The following TAFA5 variants were observed in gnomAD, a reference collection of about 807,000 sequenced individuals.
TAFA5 encodes chemokine-like protein TAFA-5.
A neutral mutation model predicts 15.3 loss-of-function variants in TAFA5; 6 were observed. The ratio of observed to expected loss-of-function variants is 0.39; its 90% CI spans 0.21 to 0.77. TAFA5 has a LOEUF of 0.77. Ranked by LOEUF, TAFA5 falls within the 30% of genes least tolerant of loss-of-function variation. TAFA5 has a pLI of 0.41. For synonymous variants in TAFA5, 103 were observed against 80.7 expected, an observed-to-expected ratio of 1.28 and a Z score of -1.48; for missense variants, 161 against 193.1, an observed-to-expected ratio of 0.83 and a Z score of 0.98.
intron 1 of TAFA5, among the ~76,000 whole-genome samples, chr22:48,548,344 C>T (rs982371344): frequency 1.3e-5 from 2 of 152,230 alleles, no homozygotes; most frequent in African/African-American, 4.8e-5. Flanking sequence ...TCCCTCGCCC[C>T]GCCGACTGTG....
intron 2 of TAFA5, among the ~76,000 whole-genome samples, chr22:48,686,481 C>T (rs1455667401): frequency 6.6e-6 from 1 of 152,196 alleles, no homozygotes; most frequent in Non-Finnish European, 1.5e-5. Context: ...CTCTTATGGC[C>T]TAATCACTGC....
intron 1 of TAFA5, among the ~76,000 whole-genome samples, chr22:48,499,232 G>T (rs1439844252): frequency 3.3e-5 from 5 of 152,144 alleles, no homozygotes; most frequent in South Asian, 2.1e-4. Flanking sequence ...CCGTGCTGCC[G>T]ATGGTGATGA....
chr22:48,637,770 G>A (rs897265640), intron 1 of TAFA5, among the ~76,000 whole-genome samples: 3 of 151,936 alleles, frequency 2.0e-5, no homozygotes, highest in African/African-American at 7.3e-5. Context: ...CCAAACCATC[G>A]ACGTCCCCAA....
At chr22:48,650,756 G>T (rs377594898) in intron 2 of TAFA5, among the ~76,000 whole-genome samples, 1 of 151,806 alleles carries the variant, frequency 6.6e-6, no homozygotes, top group East Asian at 1.9e-4. Context: ...AACCAGCCAC[G>T]CACTGTGGCG....
intron 1 of TAFA5, among the ~76,000 whole-genome samples, chr22:48,594,240 A>G (rs1399340627): frequency 6.6e-6 from 1 of 152,180 alleles, no homozygotes; most frequent in East Asian, 1.9e-4. Flanking sequence ...GCGAGGCTCG[A>G]GGACTGCAGA....
intron 2 of TAFA5, among the ~76,000 whole-genome samples, chr22:48,663,505 TATC>T (rs1927515522): frequency 6.6e-6 from 1 of 152,228 alleles, no homozygotes; most frequent in Non-Finnish European, 1.5e-5. Context: ...ACTCTGTCTC[TATC>T]ACCACCTGGT....
chr22:48,573,303 C>A (rs1161541255), intron 1 of TAFA5, among the ~76,000 whole-genome samples: 1 of 152,240 alleles, frequency 6.6e-6, no homozygotes, highest in Non-Finnish European at 1.5e-5. Flanking sequence ...GGCCCAGGAC[C>A]CCCTCACCCT....
chr22:48,522,023 C>T (rs1328383066), intron 1 of TAFA5, among the ~76,000 whole-genome samples: 1 of 152,242 alleles, frequency 6.6e-6, no homozygotes. Flanking sequence ...TGGTTACTTC[C>T]CTTGCGGCCT....
chr22:48,715,463 G>T (rs961703743), intron 3 of TAFA5, among the ~76,000 whole-genome samples: 2 of 152,190 alleles, frequency 1.3e-5, no homozygotes, highest in South Asian at 2.1e-4. Flanking sequence ...AGGCGAGGAG[G>T]CTGGGGGTGG....
Position 48,707,837 on chromosome 22 carries a change from C to T in TAFA5, c.383C>T (p.Thr128Ile). ...TCTQPGGRIK[T>I]TTVS ...ACGCAGCCCGGCGGGAGGATAAAGA[C>T]CACCACGGTATGTGGCCCTCGGCTT... is the stretch of plus-strand genomic sequence containing the variant. The change falls in exon 3 of 4, where the codon ACC becomes ATC. Residue 128 changes from threonine to isoleucine, a missense_variant. Transcript: ENST00000402357. The T allele has an allele frequency of 6.2e-7, 1 of 1,613,262 alleles. No homozygotes were observed. Among genetic ancestry groups the T allele is most frequent in the Non-Finnish European group, 8.5e-7 (1 of 1,179,630 alleles).
intron 2 of TAFA5, among the ~76,000 whole-genome samples, chr22:48,698,475 A>C (rs1490875829): frequency 6.6e-6 from 1 of 151,430 alleles, no homozygotes; most frequent in South Asian, 2.1e-4. Flanking sequence ...ATGGTAGTGA[A>C]GGTGATGATA....
At chr22:48,663,501 T>A (rs1052056604) in intron 2 of TAFA5, among the ~76,000 whole-genome samples, 28 of 152,296 alleles carry the variant, frequency 1.8e-4, no homozygotes, top group South Asian at 6.2e-4. Context: ...GCTGACTCTG[T>A]CTCTATCACC....
chr22:48,558,019 G>A (rs143914427), intron 1 of TAFA5, among the ~76,000 whole-genome samples: 4 of 152,146 alleles, frequency 2.6e-5, no homozygotes, highest in African/African-American at 4.8e-5. Flanking sequence ...CCAGTCTGAG[G>A]GGGGAGTGGT....
chr22:48,503,907 C>T (rs374434415), intron 1 of TAFA5, among the ~76,000 whole-genome samples: 2 of 152,128 alleles, frequency 1.3e-5, no homozygotes, highest in South Asian at 2.1e-4. Context: ...CACCACAGGA[C>T]CCCGAGTGTG....
intron 1 of TAFA5, among the ~76,000 whole-genome samples, chr22:48,542,625 G>GTGA (rs1214632382): frequency 9.1e-4 from 62 of 68,104 alleles, no homozygotes; most frequent in South Asian, 4.2e-3. Flanking sequence ...TGTGTGGTGT[G>GTGA]TGTGGGTGTG....
At chr22:48,710,620 C>T (rs568759204) in intron 3 of TAFA5, among the ~76,000 whole-genome samples, 12 of 152,336 alleles carry the variant, frequency 7.9e-5, no homozygotes, top group Non-Finnish European at 1.5e-4. Context: ...CCGAGGTGCT[C>T]ACCGTGTCAG....
chr22:48,545,602 T>C (rs1268163746), intron 1 of TAFA5: 1 of 152,482 alleles, frequency 6.6e-6, no homozygotes, highest in Non-Finnish European at 1.5e-5. Context: ...GCTGCCGCTG[T>C]TTTCAGGACC....
At chr22:48,561,627 G>A (rs922855922) in intron 1 of TAFA5, among the ~76,000 whole-genome samples, 4 of 152,294 alleles carry the variant, frequency 2.6e-5, no homozygotes, top group African/African-American at 7.2e-5. Flanking sequence ...TGATGATGAC[G>A]GTGGCCACGG....
chr22:48,549,305 A>G (rs1266200768), intron 1 of TAFA5, among the ~76,000 whole-genome samples: 1 of 152,212 alleles, frequency 6.6e-6, no homozygotes, highest in Non-Finnish European at 1.5e-5. Flanking sequence ...TGTTTGAATT[A>G]CCTGGACCAT....
Sources: gnomAD v4.1 joint callset for allele counts (sites outside exome capture counted in the v4.1 genomes callset) on GRCh38, gnomAD v4.1.1 for gene constraint, MANE v1.5 for transcripts, NCBI Gene and HGNC (gene_info 2026-07-23, HGNC 2026-07-21) for gene names.